ADAMTSL1: variants seen among roughly 807,000 people sequenced by gnomAD.
ADAMTSL1 encodes ADAMTS like 1.
A neutral mutation model predicts 201.8 loss-of-function variants in ADAMTSL1; 126 were observed. The observed-to-expected ratio is 0.62, with a 90% CI of 0.54 to 0.72. ADAMTSL1 has a LOEUF of 0.72. ADAMTSL1 is among the 30% of genes least tolerant of loss of function. The pLI, the probability that ADAMTSL1 is intolerant of heterozygous loss-of-function variation, is 0.00. For missense variants in ADAMTSL1, 2,679 were observed against 2,277.8 expected (o/e 1.18, Z -3.59); for synonymous variants, 1,121 against 903.4 (o/e 1.24, Z -4.32).
chr9:18,603,082 T>C lies in ADAMTSL1; in HGVS notation c.475-19161T>C, dbSNP rs577558906. 2.6e-5 allele frequency among the ~76,000 whole-genome samples: 4 copies of C among 152,342 alleles called. No homozygotes were observed. The East Asian group carries it at 5.8e-4, about 22-fold the overall frequency. Reference sequence around the variant, plus strand: ...AAAACACCAACTAACATCCACTTACTTTTGTTCTTCTTCAACCCCTATGGC... The same window carrying C: ...AAAACACCAACTAACATCCACTTACCTTTGTTCTTCTTCAACCCCTATGGC... On this transcript the variant is annotated intron_variant, in intron 4 of 28. Transcript: ENST00000380548.
chr9:18,203,970 G>A (rs1051880918), intron 2 of ADAMTSL1, among the ~76,000 whole-genome samples: 15 of 152,214 alleles, frequency 9.9e-5, no homozygotes, highest in African/African-American at 3.4e-4. Flanking sequence ...TTACTGGGGA[G>A]AGGGGAGAAG....
At chr9:17,944,319 A>G (rs1455731740) in intron 1 of ADAMTSL1, among the ~76,000 whole-genome samples, 1 of 152,176 alleles carries the variant, frequency 6.6e-6, no homozygotes, top group Admixed American at 6.5e-5. Context: ...AAAAGAAGAT[A>G]CAAACAAATG....
intron 2 of ADAMTSL1, among the ~76,000 whole-genome samples, chr9:18,364,876 C>A (rs191274524): frequency 1.3e-5 from 2 of 152,070 alleles, no homozygotes; most frequent in East Asian, 3.9e-4. Context: ...AACAACCAGA[C>A]CTCACAATAA....
intron 2 of ADAMTSL1, among the ~76,000 whole-genome samples, chr9:18,381,505 G>T (rs572338921): frequency 6.6e-6 from 1 of 152,312 alleles, no homozygotes; most frequent in South Asian, 2.1e-4. Flanking sequence ...GGCCTCACCT[G>T]TGTCTGGGAC....
chr9:18,707,000 G>T lies in ADAMTSL1; in HGVS notation c.1828G>T (p.Asp610Tyr). ...CCTGCAGGATTTCGACGAGCTGTATGACTGGGAGTATGAGGGGTTCACCAA... is the reference window on the plus strand; with the variant it reads ...CCTGCAGGATTTCGACGAGCTGTATTACTGGGAGTATGAGGGGTTCACCAA... ...GGLQDFDELY[D>Y]WEYEGFTKCS... The change falls in exon 14 of 29, where the codon GAC becomes TAC. Residue 610 changes from aspartate to tyrosine, a missense_variant. Coordinates refer to ENST00000380548, the MANE Select transcript of ADAMTSL1 (RefSeq NM_001040272.6). 6.2e-7 allele frequency: 1 copy of T among 1,613,956 alleles called. No individual in the cohort carries two copies. Among genetic ancestry groups the T allele is most frequent in the South Asian group, 1.1e-5 (1 of 91,050 alleles).
At chr9:18,149,954 G>A (rs1052995237) in intron 1 of ADAMTSL1, among the ~76,000 whole-genome samples, 4 of 152,036 alleles carry the variant, frequency 2.6e-5, no homozygotes, top group Non-Finnish European at 5.9e-5. Flanking sequence ...TGGATTACCT[G>A]GGAGGATGTG....
At chr9:17,999,994 C>A (rs1819548365) in intron 1 of ADAMTSL1, among the ~76,000 whole-genome samples, 1 of 145,136 alleles carries the variant, frequency 6.9e-6, no homozygotes, top group African/African-American at 2.6e-5. Context: ...TTTCTTAATC[C>A]AGTCTATCAT....
intron 2 of ADAMTSL1, among the ~76,000 whole-genome samples, chr9:18,416,234 A>G (rs1818671151): frequency 6.6e-6 from 1 of 152,034 alleles, no homozygotes; most frequent in African/African-American, 2.4e-5. Context: ...GTTATAACGT[A>G]GGTACCTAGT....
intron 2 of ADAMTSL1, among the ~76,000 whole-genome samples, chr9:18,513,331 G>A (rs765946741): frequency 2.0e-5 from 3 of 152,176 alleles, no homozygotes; most frequent in Non-Finnish European, 2.9e-5. Context: ...ACCTCTGGCA[G>A]CCTCCCTTCT....
At chr9:18,098,767 C>G (rs1269472438) in intron 1 of ADAMTSL1, among the ~76,000 whole-genome samples, 2 of 152,186 alleles carry the variant, frequency 1.3e-5, no homozygotes, top group South Asian at 2.1e-4. Context: ...GTGTCCTACC[C>G]TAAGGATTCC....
At chr9:18,907,918 A>G in intron 28 of ADAMTSL1, 1 of 179,240 alleles carries the variant, frequency 5.6e-6, no homozygotes, top group Non-Finnish European at 1.2e-5. Flanking sequence ...TGGAGGGCAC[A>G]TGAAAATAAA....
intron 23 of ADAMTSL1, among the ~76,000 whole-genome samples, chr9:18,844,302 C>G (rs1408358547): frequency 6.6e-6 from 1 of 152,192 alleles, no homozygotes; most frequent in African/African-American, 2.4e-5. Flanking sequence ...GAGGTCCACT[C>G]CAGACCCTGT....
chr9:18,426,420 T>C (rs1289890467), intron 2 of ADAMTSL1, among the ~76,000 whole-genome samples: 2 of 152,180 alleles, frequency 1.3e-5, no homozygotes, highest in Non-Finnish European at 2.9e-5. Context: ...GAAAAGACCA[T>C]GGTCAAATGT....
chr9:18,494,548 C>T (rs776939424), intron 1 of ADAMTSL1, among the ~76,000 whole-genome samples: 1 of 152,074 alleles, frequency 6.6e-6, no homozygotes, highest in Non-Finnish European at 1.5e-5. Flanking sequence ...ACTAGATGTC[C>T]TCACAGCACC....
At chr9:18,503,847 A>T (rs958382015) in intron 1 of ADAMTSL1, among the ~76,000 whole-genome samples, 4 of 152,178 alleles carry the variant, frequency 2.6e-5, no homozygotes, top group Admixed American at 2.6e-4. Context: ...AGTCAGTTTA[A>T]TAACCGCACC....
intron 2 of ADAMTSL1, among the ~76,000 whole-genome samples, chr9:18,431,967 A>G (rs1819512933): frequency 6.6e-6 from 1 of 152,226 alleles, no homozygotes; most frequent in African/African-American, 2.4e-5. Flanking sequence ...CAAAGTTTAT[A>G]GAAAACTGAA....
intron 2 of ADAMTSL1, among the ~76,000 whole-genome samples, chr9:18,391,072 G>A (rs1838025013): frequency 6.6e-6 from 1 of 152,160 alleles, no homozygotes; most frequent in Admixed American, 6.5e-5. Flanking sequence ...AGTGAGAGGG[G>A]TCTCTTGTCG....
At chr9:18,398,570 T>C (rs1406638947) in intron 2 of ADAMTSL1, among the ~76,000 whole-genome samples, 1 of 152,202 alleles carries the variant, frequency 6.6e-6, no homozygotes, top group African/African-American at 2.4e-5. Flanking sequence ...CTTTTCACAG[T>C]CAACTTTTTA....
chr9:18,144,739 G>A (rs1482582363), intron 1 of ADAMTSL1, among the ~76,000 whole-genome samples: 2 of 152,140 alleles, frequency 1.3e-5, no homozygotes, highest in African/African-American at 4.8e-5. Flanking sequence ...ATTAAGACTT[G>A]TAGGAATGAC....
Sources: gnomAD v4.1 joint callset for allele counts (sites outside exome capture counted in the v4.1 genomes callset) on GRCh38, gnomAD v4.1.1 for gene constraint, MANE v1.5 for transcripts, NCBI Gene and HGNC (gene_info 2026-07-23, HGNC 2026-07-21) for gene names.